PLEKHG1: variants seen among roughly 807,000 people sequenced by gnomAD.
PLEKHG1 encodes the protein pleckstrin homology domain-containing family G member 1.
PLEKHG1 carries 44 observed loss-of-function variants against 100.8 expected under a neutral mutation model. The ratio of observed to expected loss-of-function variants is 0.44; its 90% CI spans 0.34 to 0.56. The LOEUF is 0.56. Among genes scored for constraint, PLEKHG1 ranks in the 20% least tolerant of loss-of-function variants. The probability of loss-of-function intolerance (pLI) is 0.01; values close to 1 mark genes in which losing one functional copy is unlikely to be tolerated. For missense variants in PLEKHG1, 1,545 were observed against 1,720.9 expected (o/e 0.90, Z 1.81); for synonymous variants, 640 against 662.5 (o/e 0.97, Z 0.52).
intron 3 of PLEKHG1, among the ~76,000 whole-genome samples, chr6:150,780,502 C>A (rs1467234305): frequency 6.6e-6 from 1 of 152,158 alleles, no homozygotes; most frequent in African/African-American, 2.4e-5. Flanking sequence ...TTAAACTCTT[C>A]CTTTTTTCCG....
chr6:150,833,608 TAGAA>T (rs1187183762), intron 15 of PLEKHG1, among the ~76,000 whole-genome samples: 1 of 152,192 alleles, frequency 6.6e-6, no homozygotes, highest in African/African-American at 2.4e-5. Flanking sequence ...CTGATTGTCA[TAGAA>T]AGAAAAGTCC....
intron 4 of PLEKHG1, among the ~76,000 whole-genome samples, chr6:150,792,331 T>G (rs1396718563): frequency 1.4e-5 from 2 of 145,580 alleles, no homozygotes; most frequent in African/African-American, 5.2e-5. Flanking sequence ...CACTTCAGCC[T>G]GGGTGACAGA....
At chr6:150,687,844 AT>A (rs940021353) in intron 3 of PLEKHG1, among the ~76,000 whole-genome samples, 1 of 152,130 alleles carries the variant, frequency 6.6e-6, no homozygotes, top group Non-Finnish European at 1.5e-5. Context: ...TATACCAGAC[AT>A]TTTTTTAGGC....
intron 2 of PLEKHG1, among the ~76,000 whole-genome samples, chr6:150,760,158 A>T (rs1014754072): frequency 3.9e-5 from 6 of 152,148 alleles, no homozygotes; most frequent in Admixed American, 1.3e-4. Flanking sequence ...TTCAAATTAC[A>T]CCAGTAGTCC....
chr6:150,733,702 C>G (rs981572033), exon 2 of PLEKHG1: 2 of 1,614,220 alleles, frequency 1.2e-6, no homozygotes, highest in Non-Finnish European at 1.7e-6. Flanking sequence ...CTGATAGTGA[C>G]CGACCCGTCA....
chr6:150,792,772 G>A (rs1393189254), intron 4 of PLEKHG1, among the ~76,000 whole-genome samples: 4 of 152,172 alleles, frequency 2.6e-5, no homozygotes, highest in Non-Finnish European at 5.9e-5. Context: ...GAGTATCCCT[G>A]ATACCCAGAT....
intron 1 of PLEKHG1, among the ~76,000 whole-genome samples, chr6:150,628,576 A>ACACACACACC (rs1317085737): frequency 3.5e-4 from 38 of 108,188 alleles, no homozygotes; most frequent in African/African-American, 1.0e-3. Context: ...ACACACACAC[A>ACACACACACC]CCCCGTCCTT....
upstream of PLEKHG1, among the ~76,000 whole-genome samples, chr6:150,716,284 A>G (rs1324872006): frequency 6.6e-6 from 1 of 152,188 alleles, no homozygotes; most frequent in African/African-American, 2.4e-5. Flanking sequence ...CTTAAATTAC[A>G]AGATAAGTAG....
chr6:150,695,074 C>A (rs1780492464), intron 3 of PLEKHG1, among the ~76,000 whole-genome samples: 1 of 152,126 alleles, frequency 6.6e-6, no homozygotes, highest in South Asian at 2.1e-4. Context: ...TATCATAGTT[C>A]CTGTTATGTT....
chr6:150,775,529 T>G (rs1784916129), intron 3 of PLEKHG1, among the ~76,000 whole-genome samples: 1 of 152,154 alleles, frequency 6.6e-6, no homozygotes, highest in African/African-American at 2.4e-5. Flanking sequence ...AGTCTAATAG[T>G]GTAAGGATGA....
chr6:150,842,773 G>T (rs1777583885), exon 16 of PLEKHG1: 1 of 152,144 alleles, frequency 6.6e-6, no homozygotes, highest in African/African-American at 2.4e-5. Context: ...CCAAGTTGGA[G>T]TGCAATCTTG....
intron 2 of PLEKHG1, among the ~76,000 whole-genome samples, chr6:150,735,558 A>G (rs1474226174): frequency 6.6e-6 from 1 of 152,238 alleles, no homozygotes; most frequent in Non-Finnish European, 1.5e-5. Flanking sequence ...CTTCCCAGTA[A>G]AAATAGAAAA....
intron 3 of PLEKHG1, among the ~76,000 whole-genome samples, chr6:150,771,091 ATC>A (rs1358819002): frequency 6.6e-6 from 1 of 152,108 alleles, no homozygotes; most frequent in Non-Finnish European, 1.5e-5. Flanking sequence ...TAGAGTTTAA[ATC>A]TTTACGTGTC....
chr6:150,750,927 TACTAA>T (rs1783479654), intron 2 of PLEKHG1, among the ~76,000 whole-genome samples: 1 of 152,184 alleles, frequency 6.6e-6, no homozygotes, highest in South Asian at 2.1e-4. Flanking sequence ...CTGGACAAGT[TACTAA>T]ACTTTTCAAT....
intron 2 of PLEKHG1, among the ~76,000 whole-genome samples, chr6:150,753,434 G>A (rs1467727427): frequency 1.3e-5 from 2 of 152,152 alleles, no homozygotes; most frequent in Admixed American, 6.5e-5. Flanking sequence ...TGGGGCTTAC[G>A]GTGATGCCCT....
chr6:150,803,974 A>AT (rs1435302132), intron 6 of PLEKHG1, among the ~76,000 whole-genome samples: 1 of 151,012 alleles, frequency 6.6e-6, no homozygotes, highest in Admixed American at 6.6e-5. Context: ...TATAATAACT[A>AT]TAATATCGCT....
At chr6:150,744,918 C>G (rs1783072279) in intron 2 of PLEKHG1, among the ~76,000 whole-genome samples, 1 of 152,176 alleles carries the variant, frequency 6.6e-6, no homozygotes, top group Non-Finnish European at 1.5e-5. Flanking sequence ...ATATTATACA[C>G]AGGGATTGTT....
intron 2 of PLEKHG1, among the ~76,000 whole-genome samples, chr6:150,759,329 T>C (rs1484850537): frequency 6.6e-6 from 1 of 152,202 alleles, no homozygotes; most frequent in Non-Finnish European, 1.5e-5. Flanking sequence ...TGTGATGATC[T>C]TGGCAGGTGG....
chr6:150,833,408 G>A (rs546807899), intron 15 of PLEKHG1, among the ~76,000 whole-genome samples: 1 of 152,310 alleles, frequency 6.6e-6, no homozygotes, highest in Non-Finnish European at 1.5e-5. Flanking sequence ...ATCTCATTTA[G>A]TATTTTCATA....
Sources: gnomAD v4.1 joint callset for allele counts (sites outside exome capture counted in the v4.1 genomes callset) on GRCh38, gnomAD v4.1.1 for gene constraint, MANE v1.5 for transcripts, NCBI Gene and HGNC (gene_info 2026-07-23, HGNC 2026-07-21) for gene names.